The following DNAH14 variants were observed in gnomAD, a reference collection of about 807,000 sequenced individuals.
DNAH14 encodes axonemal beta dynein heavy chain 14.
Under a neutral mutation model 520.9 loss-of-function variants are expected in DNAH14, and 478 were observed. That is an observed-to-expected ratio of 0.92 (90% CI 0.85 to 0.99). DNAH14 has a LOEUF of 0.99. Ranked by LOEUF, DNAH14 falls within the 50% of genes least tolerant of loss-of-function variation. The pLI is 0.00. For synonymous variants in DNAH14, 1,581 were observed against 1,757.2 expected (o/e 0.90, Z 2.51); for missense variants, 4,831 against 5,234.5 (o/e 0.92, Z 2.38).
At position 225,207,068 on chromosome 1, in the gene DNAH14, T is replaced by C. The variant is rs2087671287; in HGVS notation, c.6287T>C (p.Ile2096Thr). The C allele has an allele frequency of 6.4e-7, 1 of 1,550,684 alleles. No homozygotes were observed. The highest frequency in any genetic ancestry group is 8.7e-7 in the Non-Finnish European group (1 of 1,146,586). ...QSGVDCLEFM[I>T]KNSVTDGLQF... is the part of the protein sequence containing the mutation. Reference sequence around the variant, plus strand: ...GGAGTGGATTGTCTTGAATTCATGATTAAAAATAGTGTCACAGACGGACTA... The same window carrying C: ...GGAGTGGATTGTCTTGAATTCATGACTAAAAATAGTGTCACAGACGGACTA... The change falls in exon 41 of 86, where the codon ATT (isoleucine) becomes ACT (threonine). Residue 2096 changes from isoleucine (I) to threonine (T), a missense_variant. Coordinates refer to ENST00000682510, the MANE Select transcript of DNAH14 (RefSeq NM_001367479.1).
chr1:225,327,226 C>G (rs535392706), intron 64 of DNAH14, among the ~76,000 whole-genome samples: 1 of 151,638 alleles, frequency 6.6e-6, no homozygotes, highest in Non-Finnish European at 1.5e-5. Context: ...GGCGCGATCT[C>G]GGCTCACTGC....
At chr1:225,286,472 AG>A (rs1472495473) in intron 54 of DNAH14, among the ~76,000 whole-genome samples, 1 of 152,222 alleles carries the variant, frequency 6.6e-6, no homozygotes, top group Non-Finnish European at 1.5e-5. Context: ...ACCTTACAAA[AG>A]CATATGAAAA....
At chr1:225,264,376 A>G in intron 47 of DNAH14, 115 bp downstream of exon 47, 4 of 942,114 alleles carry the variant, frequency 4.2e-6, no homozygotes, top group Non-Finnish European at 1.6e-6. Context: ...TGGTAATTTA[A>G]TATAAAAAGT....
At chr1:224,950,802 C>T (rs552618348) in intron 1 of DNAH14, among the ~76,000 whole-genome samples, 41 of 152,250 alleles carry the variant, frequency 2.7e-4, no homozygotes, top group Non-Finnish European at 3.4e-4. Context: ...ACACTAACTT[C>T]GAATCCCAGT....
rs1197545596 is a variant in DNAH14, at chr1:225,266,724, G to T, written c.7494G>T (p.Leu2498Phe). The T allele has an allele frequency of 6.5e-7, 1 of 1,527,906 alleles. No individual in the cohort carries two copies. The highest frequency in any genetic ancestry group is 2.3e-5 in the Admixed American group (1 of 43,020). The allele number at this position is 1,527,906 out of a possible 1,614,324, so 94.6% of individuals were successfully genotyped here. A position where few individuals can be genotyped will look rare whatever the true frequency, so the allele number is the denominator to read the frequency against. The stretch of plus-strand genomic sequence containing the variant: ...CACCCCTGGAATTGATAAGACAATT[G>T]TTAGATTTGGGAGGAGTTTATGATA... Reference protein sequence around the residue: ...AQPPLELIRQLLDLGGVYDTE... With the variant: ...AQPPLELIRQFLDLGGVYDTE... The change falls in exon 49 of 86, where the codon TTG (leucine) becomes TTT (phenylalanine). Residue 2498 changes from leucine (L) to phenylalanine (F), a missense_variant. Coordinates refer to ENST00000682510, the MANE Select transcript of DNAH14 (RefSeq NM_001367479.1).
intron 8 of DNAH14, among the ~76,000 whole-genome samples, chr1:224,990,267 A>C (rs2062946079): frequency 6.6e-6 from 1 of 152,214 alleles, no homozygotes; most frequent in African/African-American, 2.4e-5. Context: ...GGAATAATTA[A>C]ATCAAGCTAG....
intron 41 of DNAH14, among the ~76,000 whole-genome samples, chr1:225,211,944 A>G (rs1427379626): frequency 6.6e-6 from 1 of 151,764 alleles, no homozygotes; most frequent in Admixed American, 6.6e-5. Context: ...TCTAGGGTAC[A>G]TGTGCACAAC....
intron 8 of DNAH14, 29 bp from the exon 9 acceptor site, chr1:225,002,754 T>G (rs1303480786): frequency 6.5e-7 from 1 of 1,539,400 alleles, no homozygotes. Flanking sequence ...GAATGAGAGA[T>G]ATATCTGTAG....
In DNAH14 at chr1:224,972,840, GAGATAA is replaced by G. The variant is rs1379580755; in HGVS notation, c.768-1246_768-1241del. 8.5e-5 allele frequency among the ~76,000 whole-genome samples: 13 copies of G among 152,266 alleles called. No homozygotes were observed. The South Asian group carries it at 2.7e-3, about 32-fold the overall frequency. On this transcript the variant is annotated intron_variant, in intron 7 of 85. Transcript: ENST00000682510. ...AAGGTAATATTTCAAATAGAAAAAT[GAGATAA>G]AGATGAAGTGTTAACAACTTAAGCT... is the stretch of plus-strand genomic sequence containing the variant.
intron 23 of DNAH14, among the ~76,000 whole-genome samples, chr1:225,111,196 C>A (rs2076449530): frequency 6.6e-6 from 1 of 151,994 alleles, no homozygotes; most frequent in Non-Finnish European, 1.5e-5. Flanking sequence ...GATGATCTGT[C>A]CAGTGCTGAA....
chr1:225,101,038 T>C (rs1442795916), intron 23 of DNAH14, among the ~76,000 whole-genome samples, 154 bp downstream of exon 23: 1 of 152,110 alleles, frequency 6.6e-6, no homozygotes, highest in Admixed American at 6.6e-5. Context: ...ATAGAGTTAA[T>C]AAAAATATTG....
At chr1:225,361,494 C>G (rs148868925) in intron 75 of DNAH14, among the ~76,000 whole-genome samples, 2 of 152,338 alleles carry the variant, frequency 1.3e-5, no homozygotes, top group East Asian at 3.9e-4. Context: ...CAATTACATT[C>G]TATAGTTTTT....
In DNAH14 at chr1:225,232,300, C is replaced by T. The variant is rs1475212692; in HGVS notation, c.6518+1149C>T. Reference sequence around the variant, plus strand: ...ATATATACACACACACACACACACACGTGTATCACAGGTTATTTATCGATT... The same window carrying T: ...ATATATACACACACACACACACACATGTGTATCACAGGTTATTTATCGATT... On this transcript the variant is annotated intron_variant, in intron 42 of 85. Transcript: ENST00000682510. The surrounding 1 kb of genome is among the most constrained non-coding windows in gnomAD (Gnocchi z 4.2). Among the ~76,000 whole-genome samples, 6 of 151,520 alleles carry T rather than the reference C, an allele frequency of 4.0e-5. No individual in the cohort carries two copies. Among genetic ancestry groups the T allele is most frequent in the Non-Finnish European group, 8.8e-5 (6 of 67,942 alleles).
intron 3 of DNAH14, among the ~76,000 whole-genome samples, chr1:224,955,956 C>T (rs2060484157): frequency 6.6e-6 from 1 of 152,088 alleles, no homozygotes; most frequent in African/African-American, 2.4e-5. Flanking sequence ...CTCCTTCATT[C>T]TACCGATAAG....
At chr1:225,129,614 T>C (rs1573351337) in intron 27 of DNAH14, among the ~76,000 whole-genome samples, 1 of 152,080 alleles carries the variant, frequency 6.6e-6, no homozygotes, top group South Asian at 2.1e-4. Context: ...TGGCTAGCCA[T>C]ATGTAGAAAG....
Position 225,109,054 on chromosome 1 carries a change from A to G in DNAH14, c.3867+8170A>G, listed in dbSNP as rs910267943. On this transcript the variant is annotated intron_variant, in intron 23 of 85. Transcript: ENST00000682510. ...GTACGGATTCGTTTCTGGATTTCTC[A>G]TTCTGTTCCACTGGTCTATGTGTCT... 8.0e-4 allele frequency among the ~76,000 whole-genome samples: 121 copies of G among 152,058 alleles called. 1 individual carries two copies. The highest frequency in any genetic ancestry group is 3.2e-4 in the Non-Finnish European group (22 of 67,998).
At chr1:225,291,421 T>A (rs2093886449) in intron 55 of DNAH14, among the ~76,000 whole-genome samples, 1 of 151,966 alleles carries the variant, frequency 6.6e-6, no homozygotes, top group Non-Finnish European at 1.5e-5. Flanking sequence ...TATTTGCAGT[T>A]TTTGTTTTGT....
chr1:225,340,043 C>A (rs2095146463), intron 68 of DNAH14, among the ~76,000 whole-genome samples: 1 of 126,434 alleles, frequency 7.9e-6, no homozygotes, highest in South Asian at 2.9e-4. Flanking sequence ...AGCTTTACTT[C>A]TAAAGCTATT....
intron 43 of DNAH14, among the ~76,000 whole-genome samples, chr1:225,241,181 TA>T (rs35996207): frequency 0.2 from 30,078 of 151,946 alleles, 3,125 homozygotes; most frequent in East Asian, 0.37. Context: ...TTCTTTTTTT[TA>T]AAAAAATCCA....
Sources: allele counts gnomAD v4.1 joint callset (sites outside exome capture counted in the v4.1 genomes callset), GRCh38; gene constraint gnomAD v4.1.1; non-coding constraint Gnocchi (gnomAD v3.1); transcripts MANE v1.5; gene names NCBI Gene and HGNC (gene_info 2026-07-23, HGNC 2026-07-21).